Variants in ENPP5 observed in about 807,000 individuals in gnomAD.
ENPP5 encodes the protein E-NPP 5.
In ENPP5, 27 loss-of-function variants were observed where a neutral mutation model predicts 33.7. The observed-to-expected ratio is 0.80, with a 90% confidence interval of 0.59 to 1.11. The LOEUF (loss-of-function observed/expected upper bound fraction) is 1.11, where lower values mean the gene tolerates loss of function less well. Ranked by LOEUF, ENPP5 falls within the 50% of genes least tolerant of loss-of-function variation. The pLI is 0.00. For synonymous variants in ENPP5, 199 were observed against 200.5 expected, an observed-to-expected ratio of 0.99 and a Z score of 0.06; for missense variants, 552 against 579.2, an observed-to-expected ratio of 0.95 and a Z score of 0.48.
Position 46,160,749 on chromosome 6 carries a change from CA to C in ENPP5, c.*576del, listed in dbSNP as rs1337133861. 2 of 152,572 alleles carry C rather than the reference CA, an allele frequency of 1.3e-5. No individual in the cohort carries two copies. The highest frequency in any genetic ancestry group is 4.8e-5 in the African/African-American group (2 of 41,444). The allele number at this position is 152,572 out of a possible 1,614,324, so 9.5% of individuals were successfully genotyped here. On this transcript the variant is annotated 3_prime_UTR_variant, in exon 5 of 5. Transcript: ENST00000371383. ...CATTCTGCTGTTGGGAATACATCTC[CA>C]AAATTCAAGGTTCAAAGGTTATCAC...
intron 1 of ENPP5, among the ~76,000 whole-genome samples, chr6:46,170,363 G>A (rs182793913): frequency 6.6e-6 from 1 of 151,850 alleles, no homozygotes; most frequent in Non-Finnish European, 1.5e-5. Flanking sequence ...AAACAGAGGT[G>A]GGGGGTGGGG....
In ENPP5 at chr6:46,168,092, A is replaced by G. The variant is rs201596093; in HGVS notation, c.171T>C (p.Tyr57=). The part of the protein sequence containing the change: ...PTPHFHYIMK[Y]GVHVKQVTNV... ...TAGTAACTTGCTTCACGTGAACACC[A>G]TATTTCATAATATAATGAAAATGGG... The change falls in exon 3 of 5, where the codon TAT becomes TAC. Residue 57 remains tyrosine (Y), a synonymous_variant. Transcript: ENST00000371383. The G allele has an allele frequency of 6.8e-6, 11 of 1,613,886 alleles. No individual in the cohort carries two copies. The highest frequency in any genetic ancestry group is 3.3e-4 in the Middle Eastern group (2 of 6,084).
Position 46,168,159 on chromosome 6 carries a change from A to G in ENPP5, c.104T>C (p.Phe35Ser). Reference sequence around the variant, plus strand: ...TAAGTAATCCCAACGGAATCCATCAAAAGAAACTAGTAGAACCTTTTGCTG... The same window carrying G: ...TAAGTAATCCCAACGGAATCCATCAGAAGAAACTAGTAGAACCTTTTGCTG... ...PDQQKVLLVS[F>S]DGFRWDYLYK... The change falls in exon 3 of 5, where the codon TTT (phenylalanine) becomes TCT (serine). Residue 35 changes from phenylalanine (F) to serine (S), a missense_variant. Phe to Ser is a radical substitution (Grantham distance 155). Transcript: ENST00000371383. 6.2e-7 allele frequency: 1 copy of G among 1,613,776 alleles called. No homozygotes were observed. The highest frequency in any genetic ancestry group is 8.5e-7 in the Non-Finnish European group (1 of 1,179,672).
intron 3 of ENPP5, 31 bp from the exon 4 acceptor site, chr6:46,165,594 C>A (rs998681544): frequency 6.8e-7 from 1 of 1,467,320 alleles, no homozygotes. Context: ...GCACTCAGAA[C>A]AAAATACTCA....
Position 46,168,085 on chromosome 6 carries a change from G to A in ENPP5, c.178C>T (p.His60Tyr). ...AAAACATTAGTAACTTGCTTCACGT[G>A]AACACCATATTTCATAATATAATGA... ...HFHYIMKYGV[H>Y]VKQVTNVFIT... Residue 60 changes from histidine to tyrosine, a missense_variant, in exon 3 of 5, where the codon CAC becomes TAC. Transcript: ENST00000371383. The A allele has an allele frequency of 1.2e-6, 2 of 1,613,926 alleles. No individual in the cohort carries two copies. The highest frequency in any genetic ancestry group is 8.5e-7 in the Non-Finnish European group (1 of 1,179,874).
intron 4 of ENPP5, among the ~76,000 whole-genome samples, chr6:46,162,972 T>C (rs1258927829): frequency 6.6e-6 from 1 of 152,206 alleles, no homozygotes; most frequent in Non-Finnish European, 1.5e-5. Context: ...AAGATAATTA[T>C]CTTATATCAC....
rs1164746738 is a variant in ENPP5 at position 46,168,017 on chromosome 6, G to A, written c.246C>T (p.Gly82=). ...CAATCCCATGATTCTCTGCAAAGAG[G>A]CCAGTTACCAAAGTATAATGGTTAG... ...TYPNHYTLVT[G]LFAENHGIVA... The change falls in exon 3 of 5, where the codon GGC becomes GGT. Residue 82 remains glycine, a synonymous_variant. Coordinates refer to ENST00000371383, the MANE Select transcript of ENPP5 (RefSeq NM_001290072.2). The A allele has an allele frequency of 6.2e-7, 1 of 1,613,990 alleles. No individual in the cohort carries two copies. The highest frequency in any genetic ancestry group is 8.5e-7 in the Non-Finnish European group (1 of 1,180,006).
chr6:46,169,056 T>C (rs1159028998), intron 2 of ENPP5, among the ~76,000 whole-genome samples: 3 of 152,198 alleles, frequency 2.0e-5, no homozygotes, highest in African/African-American at 7.2e-5. Flanking sequence ...TTGTCAAAAT[T>C]TAATCTTATC....
rs756651686 is a variant in ENPP5, at chr6:46,167,964, C to T, written c.299G>A (p.Arg100Gln). ...IVANDMFDPIRNKSFSLDHMN... is the reference protein window; with the variant it reads ...IVANDMFDPIQNKSFSLDHMN... ...GTGATCCAAGGAGAAAGATTTGTTC[C>T]GAATAGGATCAAACATATCATTTGC... is the stretch of plus-strand genomic sequence containing the variant. Residue 100 changes from arginine to glutamine, a missense_variant, in exon 3 of 5, where the codon CGG becomes CAG. Transcript: ENST00000371383. The T allele has an allele frequency of 1.6e-5, 26 of 1,613,940 alleles. No individual in the cohort carries two copies. The highest frequency in any genetic ancestry group is 5.0e-5 in the Admixed American group (3 of 59,976).
chr6:46,162,403 T>C (rs1764419875), intron 4 of ENPP5, among the ~76,000 whole-genome samples: 1 of 152,166 alleles, frequency 6.6e-6, no homozygotes. Context: ...CTTGGGGGTC[T>C]TCTGACACAT....
At position 46,168,312 on chromosome 6, in the gene ENPP5, T is replaced by C; in HGVS notation, c.-35-15A>G. 8.1e-7 allele frequency: 1 copy of C among 1,228,962 alleles called. No homozygotes were observed. The highest frequency in any genetic ancestry group is 1.1e-6 in the Non-Finnish European group (1 of 880,018). 76.1% of individuals were successfully genotyped at this position (1,228,962 alleles called of 1,614,324 possible). A position where few individuals can be genotyped will look rare whatever the true frequency, so the allele number is the denominator to read the frequency against. ...TGTAAGATAATCTGTAGAATAAACATATAGAAATTAAAGGCAATAATTTTG... is the reference window on the plus strand; with the variant it reads ...TGTAAGATAATCTGTAGAATAAACACATAGAAATTAAAGGCAATAATTTTG... On this transcript the variant is annotated splice_polypyrimidine_tract_variant and intron_variant, in intron 2 of 4. Coordinates refer to ENST00000371383, the MANE Select transcript of ENPP5 (RefSeq NM_001290072.2).
intron 2 of ENPP5, 55 bp from the exon 3 acceptor site, chr6:46,168,352 C>A: frequency 1.3e-6 from 1 of 768,202 alleles, no homozygotes; most frequent in South Asian, 2.2e-5. Flanking sequence ...GTATACTTTA[C>A]CCCAAACTCA....
chr6:46,163,323 G>T (rs1426970188), intron 4 of ENPP5, among the ~76,000 whole-genome samples: 1 of 149,034 alleles, frequency 6.7e-6, no homozygotes, highest in South Asian at 2.2e-4. Context: ...CCACTAACTC[G>T]TCATCTAGCA....
intron 3 of ENPP5, among the ~76,000 whole-genome samples, chr6:46,166,440 C>G (rs925986533): frequency 3.5e-5 from 5 of 142,988 alleles, no homozygotes; most frequent in African/African-American, 7.6e-5. Flanking sequence ...TGTCACCACA[C>G]CAGGCTATTT....
At chr6:46,161,897 C>A in intron 4 of ENPP5, 144 bp from the exon 5 acceptor site, 2 of 672,734 alleles carry the variant, frequency 3.0e-6, no homozygotes, top group Non-Finnish European at 2.6e-6. Context: ...ACAATCTCTG[C>A]TGTTGTCCAC....
In ENPP5 at chr6:46,161,752, T is replaced by C; in HGVS notation, c.1008A>G (p.Leu336=). 1 of 1,603,022 alleles carries C rather than the reference T, an allele frequency of 6.2e-7. No individual in the cohort carries two copies. The highest frequency in any genetic ancestry group is 8.5e-7 in the Non-Finnish European group (1 of 1,176,782). ...ILQNKSDDFL[L]GNHGYDNALA... ...ACGCATTATCGTAACCGTGGTTGCC[T>C]ACTGTAAAGAGAAAATATGTGAAAA... Residue 336 remains leucine (L), a splice_region_variant and synonymous_variant, in exon 5 of 5, where the codon TTA becomes TTG. Transcript: ENST00000371383.
In ENPP5 at chr6:46,161,439, T is replaced by A; in HGVS notation, c.1321A>T (p.Ser441Cys). 1 of 1,613,840 alleles carries A rather than the reference T, an allele frequency of 6.2e-7. No homozygotes were observed. The highest frequency in any genetic ancestry group is 1.1e-5 in the South Asian group (1 of 91,072). ...ACAAAAAATACAATCACTATAATGCTGCCAAGAGAGACCCCTATGAAATAA... is the reference window on the plus strand; with the variant it reads ...ACAAAAAATACAATCACTATAATGCAGCCAAGAGAGACCCCTATGAAATAA... ...YPYFIGVSLG[S>C]IIVIVFFVIF... is the part of the protein sequence containing the mutation. Residue 441 changes from serine to cysteine, a missense_variant, in exon 5 of 5, where the codon AGC becomes TGC. By Grantham distance (112) the Ser-to-Cys change is moderately radical (BLOSUM62 -1). Transcript: ENST00000371383.
intron 3 of ENPP5, among the ~76,000 whole-genome samples, chr6:46,166,675 T>TCTC (rs34851521): frequency 0.52 from 79,013 of 151,710 alleles, 21,833 homozygotes; most frequent in Middle Eastern, 0.75. Context: ...TTCATATGAT[T>TCTC]CTAATTCCCC....
chr6:46,161,347 A>G lies in ENPP5; in HGVS notation c.1413T>C (p.Ala471=). ...AACATTAGGCTTGTAATAATGGTTG[A>G]GCTATTTCAGCATGCATATCTTGTA... ...PALQDMHAEI[A]QPLLQA Residue 471 remains alanine (A), a synonymous_variant, in exon 5 of 5, where the codon GCT becomes GCC. Transcript: ENST00000371383. The G allele has an allele frequency of 3.1e-6, 5 of 1,612,620 alleles. No homozygotes were observed. The highest frequency in any genetic ancestry group is 4.2e-6 in the Non-Finnish European group (5 of 1,179,202).
Sources: gnomAD v4.1 joint callset for allele counts (sites outside exome capture counted in the v4.1 genomes callset) on GRCh38, gnomAD v4.1.1 for gene constraint, MANE v1.5 for transcripts, NCBI Gene and HGNC (gene_info 2026-07-23, HGNC 2026-07-21) for gene names.